ZBTB7C: variants seen among roughly 807,000 people sequenced by gnomAD.
ZBTB7C encodes the protein zinc finger and BTB domain-containing protein 7C.
ZBTB7C carries 8 observed loss-of-function variants against 25.7 expected under a neutral mutation model. The observed-to-expected ratio is 0.31, with a 90% CI of 0.18 to 0.56. The LOEUF (loss-of-function observed/expected upper bound fraction) is 0.56, where lower values mean the gene tolerates loss of function less well. Among genes scored for constraint, ZBTB7C ranks in the 20% least tolerant of loss-of-function variants. The pLI, the probability that ZBTB7C is intolerant of heterozygous loss-of-function variation, is 0.91. For missense variants in ZBTB7C, 824 were observed against 855.2 expected, an observed-to-expected ratio of 0.96 and a Z score of 0.46; for synonymous variants, 394 against 369.0, an observed-to-expected ratio of 1.07 and a Z score of -0.78.
intron 3 of ZBTB7C, among the ~76,000 whole-genome samples, chr18:48,127,518 G>A (rs757106421): frequency 1.6e-4 from 24 of 152,218 alleles, no homozygotes; most frequent in Non-Finnish European, 3.4e-4. Context: ...CATGGGGTCC[G>A]CACACAGTAG....
chr18:48,067,439 A>T (rs1598815113), intron 3 of ZBTB7C, among the ~76,000 whole-genome samples: 1 of 152,318 alleles, frequency 6.6e-6, no homozygotes. Context: ...GTCAAGCAGA[A>T]ATAGAGGGAG....
At chr18:48,315,982 C>T (rs145780165) in intron 2 of ZBTB7C, among the ~76,000 whole-genome samples, 1 of 152,264 alleles carries the variant, frequency 6.6e-6, no homozygotes, top group Non-Finnish European at 1.5e-5. Flanking sequence ...CCTCACTCCT[C>T]TTGTCTTCAG....
chr18:48,054,130 G>GA (rs2036815396), intron 3 of ZBTB7C, among the ~76,000 whole-genome samples: 2 of 152,206 alleles, frequency 1.3e-5, no homozygotes, highest in Admixed American at 1.3e-4. Context: ...GGAGTCTTGG[G>GA]CGTGGGTGGG....
At chr18:48,354,333 A>G (rs1015795431) in intron 1 of ZBTB7C, among the ~76,000 whole-genome samples, 1 of 152,120 alleles carries the variant, frequency 6.6e-6, no homozygotes, top group Non-Finnish European at 1.5e-5. Flanking sequence ...CTTTACAAAT[A>G]GGTTTCTTAG....
At chr18:48,401,481 G>C (rs979627119) in intron 1 of ZBTB7C, among the ~76,000 whole-genome samples, 5 of 152,174 alleles carry the variant, frequency 3.3e-5, no homozygotes, top group African/African-American at 1.2e-4. Flanking sequence ...CCAAAGTGAT[G>C]CAGGAAAGCC....
rs746118624 is a variant in ZBTB7C at position 48,028,889 on chromosome 18, C to T, written c.*371G>A. On this transcript the variant is annotated 3_prime_UTR_variant, in exon 5 of 5. Coordinates refer to ENST00000590800, the MANE Select transcript of ZBTB7C (RefSeq NM_001318841.2). ...GGTGCATGCCCAGCCCCTACCTCCT[C>T]CTGCTGTGGCTGGCTGGGCACCAGG... 4 of 256,056 alleles carry T rather than the reference C, an allele frequency of 1.6e-5. No homozygotes were observed. Among genetic ancestry groups the T allele is most frequent in the Non-Finnish European group, 2.2e-5 (3 of 136,968 alleles). 15.9% of individuals were successfully genotyped at this position (256,056 alleles called of 1,614,324 possible). A position where few individuals can be genotyped will look rare whatever the true frequency, so the allele number is the denominator to read the frequency against.
At chr18:48,089,871 G>T (rs1273240767) in intron 3 of ZBTB7C, among the ~76,000 whole-genome samples, 1 of 152,240 alleles carries the variant, frequency 6.6e-6, no homozygotes. Flanking sequence ...GCCTGGCTAT[G>T]GTTTAAAAGC....
At chr18:48,393,277 G>C (rs1353359059) in intron 1 of ZBTB7C, among the ~76,000 whole-genome samples, 1 of 111,298 alleles carries the variant, frequency 9.0e-6, no homozygotes, top group African/African-American at 3.7e-5. Flanking sequence ...CATCCCACCA[G>C]GCCTGCTCCA....
intron 3 of ZBTB7C, among the ~76,000 whole-genome samples, chr18:48,104,720 G>A (rs1021877062): frequency 3.3e-5 from 5 of 152,166 alleles, no homozygotes; most frequent in East Asian, 1.9e-4. Flanking sequence ...CAGGGAGACC[G>A]AAATGCCCTC....
intron 2 of ZBTB7C, among the ~76,000 whole-genome samples, chr18:48,329,462 A>C (rs1430364091): frequency 6.6e-6 from 1 of 152,230 alleles, no homozygotes; most frequent in African/African-American, 2.4e-5. Context: ...CTGCAGAAGG[A>C]AAGGAAACTA....
intron 3 of ZBTB7C, among the ~76,000 whole-genome samples, chr18:48,169,188 T>G (rs908352361): frequency 6.6e-6 from 1 of 152,336 alleles, no homozygotes; most frequent in Non-Finnish European, 1.5e-5. Context: ...TCCTACTGCA[T>G]GCTCCTGCAC....
At chr18:48,136,514 C>G (rs566514181) in intron 3 of ZBTB7C, among the ~76,000 whole-genome samples, 1 of 152,306 alleles carries the variant, frequency 6.6e-6, no homozygotes, top group East Asian at 1.9e-4. Flanking sequence ...TTTGTCCCCC[C>G]TCCCTCCCGT....
rs558017068 is a variant in ZBTB7C, at chr18:48,369,798, C to T, written c.-303-31400G>A. 1.4e-4 allele frequency among the ~76,000 whole-genome samples: 21 copies of T among 152,230 alleles called. 1 individual carries two copies. Among genetic ancestry groups the T allele is most frequent in the African/African-American group, 4.8e-4 (20 of 41,558 alleles). On this transcript the variant is annotated intron_variant, in intron 1 of 4. Transcript: ENST00000590800. ...AGAAATCCACAAATCCACAATTACA[C>T]GTTCAGAGTTCAATACTACTCTCAC...
chr18:48,218,757 C>T (rs2042883690), intron 2 of ZBTB7C, among the ~76,000 whole-genome samples: 1 of 152,224 alleles, frequency 6.6e-6, no homozygotes, highest in Non-Finnish European at 1.5e-5. Context: ...TGGCTGACAT[C>T]CACGCTCTGC....
At chr18:48,194,643 A>G (rs968517114) in intron 2 of ZBTB7C, among the ~76,000 whole-genome samples, 5 of 152,182 alleles carry the variant, frequency 3.3e-5, no homozygotes, top group Non-Finnish European at 7.3e-5. Flanking sequence ...GCAACGCTGC[A>G]GAGGCAGGGA....
chr18:48,132,498 T>C (rs2040017407), intron 3 of ZBTB7C, among the ~76,000 whole-genome samples: 1 of 152,240 alleles, frequency 6.6e-6, no homozygotes, highest in Admixed American at 6.5e-5. Context: ...ATTATGATAA[T>C]GGTTACACAG....
chr18:48,284,235 G>A (rs765802871), intron 2 of ZBTB7C, among the ~76,000 whole-genome samples: 1 of 152,162 alleles, frequency 6.6e-6, no homozygotes, highest in African/African-American at 2.4e-5. Flanking sequence ...CAGGAGGACT[G>A]CTGAGTTCGA....
At position 48,098,056 on chromosome 18, in the gene ZBTB7C, T is replaced by C. The variant is rs188123239; in HGVS notation, c.-16-56933A>G. On this transcript the variant is annotated intron_variant, in intron 3 of 4. Transcript: ENST00000590800. ...AGTTAGCAGACAAACTAAAAATCTA[T>C]TGGCAAAAACAAAGAAACAAAACCC... 1.1e-4 allele frequency among the ~76,000 whole-genome samples: 17 copies of C among 152,268 alleles called. No homozygotes were observed. The East Asian group carries it at 3.3e-3, about 29-fold the overall frequency.
At chr18:48,030,912 G>T (rs1038408917) in intron 4 of ZBTB7C, among the ~76,000 whole-genome samples, 19 of 152,352 alleles carry the variant, frequency 1.2e-4, no homozygotes, top group Admixed American at 3.9e-4. Flanking sequence ...GGTGGCTGAG[G>T]TATAGGCAGC....
Sources: allele counts gnomAD v4.1 joint callset (sites outside exome capture counted in the v4.1 genomes callset), GRCh38; gene constraint gnomAD v4.1.1; transcripts MANE v1.5; gene names NCBI Gene and HGNC (gene_info 2026-07-23, HGNC 2026-07-21).